The following CRYBB2 variants were observed in gnomAD, a reference collection of about 807,000 sequenced individuals.
CRYBB2 encodes the protein crystallin beta B2.
CRYBB2 carries 12 observed loss-of-function variants against 24.3 expected under a neutral mutation model. The ratio of observed to expected loss-of-function variants is 0.49; its 90% CI spans 0.32 to 0.80. CRYBB2 has a LOEUF of 0.80. CRYBB2 is among the 30% of genes least tolerant of loss of function. The probability of loss-of-function intolerance (pLI) is 0.04; values close to 1 mark genes in which losing one functional copy is unlikely to be tolerated. For missense variants in CRYBB2, 198 were observed against 268.5 expected (o/e 0.74, Z 1.83); for synonymous variants, 98 against 101.6 (o/e 0.96, Z 0.21).
At chr22:25,217,021 G>T (rs964593843), upstream of CRYBB2, among the ~76,000 whole-genome samples, 1 of 152,030 alleles carries the variant, frequency 6.6e-6, no homozygotes, top group Non-Finnish European at 1.5e-5. Context: ...CCATTCATCC[G>T]TTGATGGACA....
upstream of CRYBB2, among the ~76,000 whole-genome samples, chr22:25,218,208 G>C (rs543608833): frequency 1.3e-4 from 20 of 151,234 alleles, no homozygotes; most frequent in Non-Finnish European, 2.2e-4. Flanking sequence ...GCAGTGAGCT[G>C]AGATCGTGCC....
At chr22:25,211,720 T>A (rs1935108450), upstream of CRYBB2, among the ~76,000 whole-genome samples, 2 of 152,182 alleles carry the variant, frequency 1.3e-5, no homozygotes, top group Admixed American at 1.3e-4. Context: ...AGCCCTCAAA[T>A]TTTGTCTTCT....
rs146212949 is a variant in CRYBB2 at position 25,213,196 on chromosome 22, A to G, written c.-27+356A>G. The G allele has an allele frequency of 1.1e-4, 17 of 152,344 alleles. No homozygotes were observed. In the East Asian group the frequency reaches 2.9e-3, roughly 26 times the overall value. 9.4% of individuals were successfully genotyped at this position (152,344 alleles called of 1,614,324 possible). A position where few individuals can be genotyped will look rare whatever the true frequency, so the allele number is the denominator to read the frequency against. Reference sequence around the variant, plus strand: ...GGCTGTTACAAAAAATTGTCGTAAGAAGGGAGTGTTGTTTCTGATAGCTAT... The same window carrying G: ...GGCTGTTACAAAAAATTGTCGTAAGGAGGGAGTGTTGTTTCTGATAGCTAT... On this transcript the variant is annotated intron_variant, in intron 1 of 5. Transcript: ENST00000651629.
At chr22:25,218,775 GAGAGAAGAAAGA>G (rs1569016247), upstream of CRYBB2, among the ~76,000 whole-genome samples, 21 of 22,274 alleles carry the variant, frequency 9.4e-4, no homozygotes, top group African/African-American at 1.2e-3. Flanking sequence ...GAGAGAGAGA[GAGAGAAGAAAGA>G]AAGAAAGAAA....
upstream of CRYBB2, among the ~76,000 whole-genome samples, chr22:25,218,769 G>GA (rs1935245723): frequency 4.0e-4 from 15 of 37,462 alleles, no homozygotes; most frequent in East Asian, 1.4e-3. Flanking sequence ...GAGAGAGAGA[G>GA]AGAGAGAGAG....
chr22:25,223,294 C>A (rs1385652828), intron 2 of CRYBB2, among the ~76,000 whole-genome samples: 1 of 152,208 alleles, frequency 6.6e-6, no homozygotes, highest in Non-Finnish European at 1.5e-5. Flanking sequence ...TTCAGCTCTT[C>A]CACTTATTCA....
At chr22:25,220,798 C>T (rs1241835747) in intron 1 of CRYBB2, among the ~76,000 whole-genome samples, 6 of 152,294 alleles carry the variant, frequency 3.9e-5, no homozygotes, top group East Asian at 3.9e-4. Context: ...TTTCTACCGT[C>T]GCACCCATTT....
intron 5 of CRYBB2, among the ~76,000 whole-genome samples, chr22:25,230,186 G>A (rs892812602): frequency 5.4e-5 from 8 of 149,072 alleles, no homozygotes; most frequent in Non-Finnish European, 8.9e-5. Context: ...AGACGGAGGC[G>A]CGCACTTTCG....
upstream of CRYBB2, among the ~76,000 whole-genome samples, chr22:25,215,226 G>A (rs1935153705): frequency 6.6e-6 from 1 of 152,234 alleles, no homozygotes. Context: ...TTACCAGAAT[G>A]AGGGCAAGGA....
At chr22:25,220,272 T>A (rs901414152) in intron 1 of CRYBB2, among the ~76,000 whole-genome samples, 2 of 152,202 alleles carry the variant, frequency 1.3e-5, no homozygotes, top group Non-Finnish European at 2.9e-5. Context: ...CATTACATAA[T>A]TGAATCCTCA....
Position 25,227,886 on chromosome 22 carries a change from C to T in CRYBB2, c.207C>T (p.Gly69=), listed in dbSNP as rs768854542. 22 of 1,614,012 alleles carry T rather than the reference C, an allele frequency of 1.4e-5. No individual in the cohort carries two copies. The highest frequency in any genetic ancestry group is 9.9e-5 in the South Asian group (9 of 91,074). The change falls in exon 4 of 6, where the codon GGC becomes GGT. Residue 69 remains glycine, a synonymous_variant. Transcript: ENST00000398215. ...GCTATGAACAGGCCAACTGCAAGGG[C>T]GAGCAGTTTGTGTTTGAGAAGGGTG... ...WVGYEQANCK[G]EQFVFEKGEY...
At chr22:25,227,300 C>T (rs1220292519) in intron 3 of CRYBB2, among the ~76,000 whole-genome samples, 2 of 152,090 alleles carry the variant, frequency 1.3e-5, no homozygotes, top group African/African-American at 4.8e-5. Flanking sequence ...TGGGCAGAGT[C>T]TAACAACAGG....
rs919992249 is a variant in CRYBB2 at position 25,227,915 on chromosome 22, AC to A, written c.241del (p.Arg81AlafsTer17). 4 of 1,613,706 alleles carry A rather than the reference AC, an allele frequency of 2.5e-6. No individual in the cohort carries two copies. The highest frequency in any genetic ancestry group is 1.1e-5 in the South Asian group (1 of 91,058). On this transcript the variant is annotated frameshift_variant, in exon 4 of 6. Coordinates refer to ENST00000398215, the MANE Select transcript of CRYBB2 (RefSeq NM_000496.3). LOFTEE classifies it high-confidence loss of function. ...CAGTTTGTGTTTGAGAAGGGTGAGT[AC>A]CCCCGCTGGGACTCATGGACCAGCA... Reference protein sequence around the residue: ...GEQFVFEKGEYPRWDSWTSSR... With the variant: ...GEQFVFEKGEXPRWDSWTSSR...
At chr22:25,230,323 A>AT (rs959363191) in intron 5 of CRYBB2, among the ~76,000 whole-genome samples, 3 of 149,856 alleles carry the variant, frequency 2.0e-5, no homozygotes, top group Non-Finnish European at 4.4e-5. Flanking sequence ...AGCTCAGCTG[A>AT]TTTTTTGCAT....
chr22:25,229,671 T>A (rs1935498390), intron 5 of CRYBB2, 93 bp downstream of exon 5: 1 of 1,559,110 alleles, frequency 6.4e-7, no homozygotes, highest in Admixed American at 1.8e-5. Context: ...CTGGTGATCT[T>A]GCACACATCA....
chr22:25,229,513 T>A lies in CRYBB2; in HGVS notation c.384T>A (p.Asp128Glu). 1 of 1,614,216 alleles carries A rather than the reference T, an allele frequency of 6.2e-7. No individual in the cohort carries two copies. Among genetic ancestry groups the A allele is most frequent in the Non-Finnish European group, 8.5e-7 (1 of 1,180,048 alleles). ...TGKKMEIIDD[D>E]VPSFHAHGYQ... is the part of the protein sequence containing the mutation. ...AGAAGATGGAAATCATAGATGACGATGTACCCAGCTTCCACGCCCATGGCT... is the reference window on the plus strand; with the variant it reads ...AGAAGATGGAAATCATAGATGACGAAGTACCCAGCTTCCACGCCCATGGCT... Residue 128 changes from aspartate to glutamate, a missense_variant, in exon 5 of 6, where the codon GAT becomes GAA. Physicochemically the swap from Asp to Glu is conservative, Grantham distance 45. Transcript: ENST00000398215.
chr22:25,215,235 G>T (rs1207054714), upstream of CRYBB2, among the ~76,000 whole-genome samples: 1 of 152,220 alleles, frequency 6.6e-6, no homozygotes, highest in African/African-American at 2.4e-5. Context: ...TGAGGGCAAG[G>T]AACACCTGGC....
chr22:25,222,441 G>A (rs1042706503), intron 2 of CRYBB2, among the ~76,000 whole-genome samples: 1 of 152,234 alleles, frequency 6.6e-6, no homozygotes, highest in Admixed American at 6.5e-5. Context: ...AGCTGACTTT[G>A]AGCAGACACC....
In CRYBB2 at chr22:25,227,983, G is replaced by A. The variant is rs769620041; in HGVS notation, c.304G>A (p.Val102Met). The part of the protein sequence containing the change: ...DSLSSLRPIK[V>M]DSQEHKIILY... ...CCTCAGCTCCCTGAGGCCCATCAAA[G>A]TGGTGAGCCCCCTGCCATCACCCTA... is the stretch of plus-strand genomic sequence containing the variant. The change falls in exon 4 of 6, where the codon GTG (valine) becomes ATG (methionine). Residue 102 changes from valine to methionine, a missense_variant and splice_region_variant. Physicochemically the swap from Val to Met is conservative, Grantham distance 21. Coordinates refer to ENST00000398215, the MANE Select transcript of CRYBB2 (RefSeq NM_000496.3). 19 of 1,613,948 alleles carry A rather than the reference G, an allele frequency of 1.2e-5. No individual in the cohort carries two copies. The African/African-American group carries it at 2.4e-4, about 20-fold the overall frequency.
Sources: allele counts gnomAD v4.1 joint callset (sites outside exome capture counted in the v4.1 genomes callset), GRCh38; gene constraint gnomAD v4.1.1; transcripts MANE v1.5; gene names NCBI Gene and HGNC (gene_info 2026-07-23, HGNC 2026-07-21).